CDH10: variants seen among roughly 807,000 people sequenced by gnomAD.
CDH10 encodes the protein cadherin 10.
CDH10 carries 30 observed loss-of-function variants against 73.1 expected under a neutral mutation model. The observed-to-expected ratio is 0.41, with a 90% CI of 0.31 to 0.56. The LOEUF is 0.56. Among genes scored for constraint, CDH10 ranks in the 20% least tolerant of loss-of-function variants. The probability of loss-of-function intolerance (pLI) is 0.27; values close to 1 mark genes in which losing one functional copy is unlikely to be tolerated. For missense variants in CDH10, 815 were observed against 973.7 expected (o/e 0.84, Z 2.17); for synonymous variants, 345 against 348.2 (o/e 0.99, Z 0.10).
intron 1 of CDH10, among the ~76,000 whole-genome samples, chr5:24,631,479 C>T (rs975186401): frequency 6.6e-6 from 1 of 151,874 alleles, no homozygotes; most frequent in African/African-American, 2.4e-5. Context: ...GGAAGAGATA[C>T]AGGCATGCAG....
intron 2 of CDH10, among the ~76,000 whole-genome samples, chr5:24,544,350 A>T (rs939599403): frequency 2.6e-5 from 4 of 152,158 alleles, no homozygotes; most frequent in African/African-American, 9.6e-5. Flanking sequence ...AATGAAATAG[A>T]TTATAAAAAC....
At chr5:24,558,349 T>G (rs564544450) in intron 2 of CDH10, among the ~76,000 whole-genome samples, 155 of 151,882 alleles carry the variant, frequency 1.0e-3, no homozygotes, top group African/African-American at 3.6e-3. Context: ...TTCCATGACA[T>G]TCACAATTTC....
chr5:24,521,269 G>A (rs6891428), intron 5 of CDH10, among the ~76,000 whole-genome samples: 8 of 151,980 alleles, frequency 5.3e-5, no homozygotes, highest in Non-Finnish European at 1.0e-4. Flanking sequence ...AGTGGGCCGG[G>A]TGTGGTGGCT....
intron 2 of CDH10, among the ~76,000 whole-genome samples, chr5:24,581,713 G>A (rs574145986): frequency 1.5e-4 from 23 of 152,206 alleles, no homozygotes; most frequent in African/African-American, 5.5e-4. Flanking sequence ...ACTTCAATAC[G>A]TGGTTATAAT....
At chr5:24,601,288 A>C (rs1157358572) in intron 1 of CDH10, among the ~76,000 whole-genome samples, 1 of 152,276 alleles carries the variant, frequency 6.6e-6, no homozygotes, top group East Asian at 1.9e-4. Flanking sequence ...ACAGATAAGG[A>C]AACAGTTTAA....
intron 5 of CDH10, among the ~76,000 whole-genome samples, chr5:24,515,063 G>A (rs1460435140): frequency 6.6e-6 from 1 of 151,926 alleles, no homozygotes; most frequent in Non-Finnish European, 1.5e-5. Flanking sequence ...ACACAGAAAA[G>A]ATAAACTCAA....
chr5:24,553,441 T>C (rs950227434), intron 2 of CDH10, among the ~76,000 whole-genome samples: 2 of 152,162 alleles, frequency 1.3e-5, no homozygotes, highest in African/African-American at 4.8e-5. Flanking sequence ...TTATTAGATA[T>C]TCATCCTCCT....
At chr5:24,629,623 T>C (rs1189888111) in intron 1 of CDH10, among the ~76,000 whole-genome samples, 2 of 152,012 alleles carry the variant, frequency 1.3e-5, no homozygotes, top group Admixed American at 6.6e-5. Context: ...GACTGGATCA[T>C]GGGGACAGTT....
At chr5:24,578,506 T>G (rs567507752) in intron 2 of CDH10, 1 of 355,588 alleles carries the variant, frequency 2.8e-6, no homozygotes, top group Non-Finnish European at 5.7e-6. Context: ...CTACATATCT[T>G]TCTGCTATAC....
intron 5 of CDH10, among the ~76,000 whole-genome samples, chr5:24,534,677 A>G (rs2086443523): frequency 6.6e-6 from 1 of 152,146 alleles, no homozygotes. Flanking sequence ...CTTAGTTCTT[A>G]TAATTTGTCA....
At chr5:24,606,144 T>G (rs543347790) in intron 1 of CDH10, among the ~76,000 whole-genome samples, 1 of 152,260 alleles carries the variant, frequency 6.6e-6, no homozygotes, top group East Asian at 1.9e-4. Context: ...GTTATAAAAC[T>G]GTAGGCATTT....
At position 24,537,660 on chromosome 5, in the gene CDH10, T is replaced by C; in HGVS notation, c.246A>G (p.Gln82=). The part of the protein sequence containing the change: ...YQYVGKLHSD[Q]DKGDGSLKYI... Reference sequence around the variant, plus strand: ...ATTTGAGTGATCCATCTCCTTTATCTTGGTCTGAATGTAGCTAGGGGAAAT... The same window carrying C: ...ATTTGAGTGATCCATCTCCTTTATCCTGGTCTGAATGTAGCTAGGGGAAAT... The change falls in exon 3 of 12, where the codon CAA becomes CAG. Residue 82 remains glutamine (Q), a synonymous_variant. Coordinates refer to ENST00000264463, the MANE Select transcript of CDH10 (RefSeq NM_006727.5). 6.3e-7 allele frequency: 1 copy of C among 1,591,684 alleles called. No homozygotes were observed. The highest frequency in any genetic ancestry group is 8.6e-7 in the Non-Finnish European group (1 of 1,162,042).
intron 1 of CDH10, among the ~76,000 whole-genome samples, chr5:24,635,496 C>T (rs1429878047): frequency 1.3e-5 from 2 of 151,910 alleles, no homozygotes; most frequent in East Asian, 3.9e-4. Context: ...TTCCCTACTT[C>T]ATGCAATGCC....
chr5:24,634,855 G>A (rs1747816244), intron 1 of CDH10, among the ~76,000 whole-genome samples: 1 of 151,536 alleles, frequency 6.6e-6, no homozygotes, highest in South Asian at 2.1e-4. Context: ...TATAATCCTG[G>A]ATTTTTAAAA....
intron 2 of CDH10, among the ~76,000 whole-genome samples, chr5:24,591,679 T>C (rs1005384641): frequency 1.3e-5 from 2 of 151,866 alleles, no homozygotes; most frequent in African/African-American, 4.8e-5. Flanking sequence ...GTCAGCTAAA[T>C]AGTTATTAAG....
intron 2 of CDH10, among the ~76,000 whole-genome samples, chr5:24,580,236 T>C (rs1344996925): frequency 2.0e-5 from 3 of 152,056 alleles, no homozygotes; most frequent in Non-Finnish European, 4.4e-5. Flanking sequence ...TACAGATTAT[T>C]ATATAGACTA....
At chr5:24,613,265 C>A (rs1747009098) in intron 1 of CDH10, 1 of 151,804 alleles carries the variant, frequency 6.6e-6, no homozygotes, top group Non-Finnish European at 1.5e-5. Context: ...AGTAAAAGTA[C>A]CTTTTAAAAA....
intron 5 of CDH10, among the ~76,000 whole-genome samples, chr5:24,521,728 A>G (rs1743338791): frequency 6.6e-6 from 1 of 152,232 alleles, no homozygotes; most frequent in Non-Finnish European, 1.5e-5. Flanking sequence ...ACTGAATATT[A>G]AAAACATAAT....
rs141516573 is a variant in CDH10 at position 24,599,739 on chromosome 5, C to T, written c.-123-6126G>A. Among the ~76,000 whole-genome samples, 273 of 152,106 alleles carry T rather than the reference C, an allele frequency of 1.8e-3. 1 individual carries two copies. The highest frequency in any genetic ancestry group is 6.2e-3 in the African/African-American group (259 of 41,500). ...TTAAATGCATAAATATAGATCTTTA[C>T]GCAAGGATAAGCACAGGAATCATAA... On this transcript the variant is annotated intron_variant, in intron 1 of 11. Transcript: ENST00000264463.
Sources: gnomAD v4.1 joint callset for allele counts (sites outside exome capture counted in the v4.1 genomes callset) on GRCh38, gnomAD v4.1.1 for gene constraint, MANE v1.5 for transcripts, NCBI Gene and HGNC (gene_info 2026-07-23, HGNC 2026-07-21) for gene names.